The following PHTF2 variants were observed in gnomAD, a reference collection of about 807,000 sequenced individuals.
The protein encoded by PHTF2 is protein PHTF2.
A neutral mutation model predicts 101.2 loss-of-function variants in PHTF2; 60 were observed. The ratio of observed to expected loss-of-function variants is 0.59; its 90% CI spans 0.48 to 0.73. The LOEUF is 0.73. Ranked by LOEUF, PHTF2 falls within the 30% of genes least tolerant of loss-of-function variation. PHTF2 has a pLI of 0.00. For missense variants in PHTF2, 747 were observed against 908.7 expected (o/e 0.82, Z 2.29); for synonymous variants, 311 against 307.3 (o/e 1.01, Z -0.13).
chr7:77,956,477 G>A (rs1218709937), exon 20 of PHTF2: 1 of 152,304 alleles, frequency 6.6e-6, no homozygotes, highest in Non-Finnish European at 1.5e-5. Flanking sequence ...CATTTTATTT[G>A]CCTATGTTCA....
Position 77,951,599 on chromosome 7 carries a change from C to T in PHTF2, c.2116-18C>T. ...GTATTTATTATAATTTGAAGCATTTCTATTCTTTTTATAAAAGATAAACCT... is the reference window on the plus strand; with the variant it reads ...GTATTTATTATAATTTGAAGCATTTTTATTCTTTTTATAAAAGATAAACCT... On this transcript the variant is annotated intron_variant, in intron 17 of 19. Coordinates refer to ENST00000416283, the Ensembl canonical transcript of PHTF2. 1 of 1,023,282 alleles carries T rather than the reference C, an allele frequency of 9.8e-7. No homozygotes were observed. The highest frequency in any genetic ancestry group is 1.4e-6 in the Non-Finnish European group (1 of 694,306). 63.4% of individuals were successfully genotyped at this position (1,023,282 alleles called of 1,614,324 possible).
At chr7:77,826,437 A>T (rs1485503379) in intron 1 of PHTF2, among the ~76,000 whole-genome samples, 2 of 152,170 alleles carry the variant, frequency 1.3e-5, no homozygotes, top group African/African-American at 4.8e-5. Flanking sequence ...GTCAGTCTAG[A>T]ACTAGTATGG....
chr7:77,878,131 A>G (rs2150740019), intron 3 of PHTF2, among the ~76,000 whole-genome samples: 1 of 152,152 alleles, frequency 6.6e-6, no homozygotes, highest in East Asian at 1.9e-4. Context: ...GAAAAATCGC[A>G]GGGCCAGGCA....
chr7:77,929,574 C>T (rs994019892), intron 12 of PHTF2, among the ~76,000 whole-genome samples: 2 of 152,084 alleles, frequency 1.3e-5, no homozygotes, highest in Non-Finnish European at 2.9e-5. Flanking sequence ...GTGTTAGGTG[C>T]AATAGTACTT....
intron 1 of PHTF2, among the ~76,000 whole-genome samples, chr7:77,814,846 A>G (rs1467423799): frequency 6.6e-6 from 1 of 152,030 alleles, no homozygotes; most frequent in Non-Finnish European, 1.5e-5. Context: ...AGGCTGAGGC[A>G]GGTGGATTAC....
At chr7:77,932,658 TCAAGC>T (rs1804721130) in intron 12 of PHTF2, among the ~76,000 whole-genome samples, 1 of 109,706 alleles carries the variant, frequency 9.1e-6, no homozygotes. Flanking sequence ...GTGTGTGTGT[TCAAGC>T]CAATGAACAC....
At chr7:77,896,623 G>C (rs1800898599) in intron 5 of PHTF2, among the ~76,000 whole-genome samples, 1 of 152,030 alleles carries the variant, frequency 6.6e-6, no homozygotes, top group Non-Finnish European at 1.5e-5. Flanking sequence ...TAATTAAAAG[G>C]ATCAATTTGT....
intron 1 of PHTF2, among the ~76,000 whole-genome samples, chr7:77,801,244 C>A (rs1792524873): frequency 6.6e-6 from 1 of 152,168 alleles, no homozygotes; most frequent in Non-Finnish European, 1.5e-5. Flanking sequence ...AAATCTGGAA[C>A]CTTTTGAGTG....
chr7:77,881,804 C>G (rs1373066303), intron 3 of PHTF2, among the ~76,000 whole-genome samples: 1 of 152,192 alleles, frequency 6.6e-6, no homozygotes, highest in Non-Finnish European at 1.5e-5. Flanking sequence ...GAGTTTCCTA[C>G]TCTTGTACAT....
At chr7:77,908,256 G>A (rs58897036) in intron 7 of PHTF2, among the ~76,000 whole-genome samples, 7,330 of 152,252 alleles carry the variant, frequency 0.048, 257 homozygotes, top group South Asian at 0.15. Flanking sequence ...GAAAGTCTAA[G>A]GGATGCTGTG....
intron 5 of PHTF2, among the ~76,000 whole-genome samples, chr7:77,896,737 G>A (rs555635728): frequency 1.3e-5 from 2 of 152,204 alleles, no homozygotes; most frequent in South Asian, 2.1e-4. Flanking sequence ...AGAGAGGTAC[G>A]TAACTGTGGT....
intron 2 of PHTF2, among the ~76,000 whole-genome samples, chr7:77,847,087 T>A (rs1401929099): frequency 6.6e-6 from 1 of 152,198 alleles, no homozygotes; most frequent in East Asian, 1.9e-4. Flanking sequence ...AATTTGGGAT[T>A]TCTTACTGTA....
chr7:77,890,683 G>A (rs1458688177), intron 3 of PHTF2, among the ~76,000 whole-genome samples: 3 of 128,834 alleles, frequency 2.3e-5, no homozygotes, highest in Non-Finnish European at 4.7e-5. Context: ...TCGGCTCACC[G>A]CAAGCTCCGC....
chr7:77,888,160 G>A (rs945024665), intron 3 of PHTF2, among the ~76,000 whole-genome samples: 6 of 152,042 alleles, frequency 3.9e-5, no homozygotes, highest in Admixed American at 3.9e-4. Flanking sequence ...TTGTAGCCCA[G>A]GCTGGAGTGC....
intron 13 of PHTF2, among the ~76,000 whole-genome samples, chr7:77,938,898 T>C (rs768536452): frequency 9.0e-4 from 137 of 152,378 alleles, no homozygotes; most frequent in Non-Finnish European, 1.4e-3. Context: ...CTCCACACTT[T>C]GTGTAAGACA....
chr7:77,938,988 G>A (rs535952376), intron 13 of PHTF2, among the ~76,000 whole-genome samples: 36 of 152,144 alleles, frequency 2.4e-4, no homozygotes, highest in South Asian at 8.3e-4. Flanking sequence ...AGCAGTTGAC[G>A]GGGAAGTCTC....
At chr7:77,941,664 C>T (rs1805650675) in intron 15 of PHTF2, among the ~76,000 whole-genome samples, 1 of 152,128 alleles carries the variant, frequency 6.6e-6, no homozygotes, top group Non-Finnish European at 1.5e-5. Context: ...CTTTTCTGCT[C>T]CCAAAATATA....
At chr7:77,920,395 C>G (rs1803339839) in exon 10 of PHTF2, 2 of 1,613,182 alleles carry the variant, frequency 1.2e-6, no homozygotes, top group Non-Finnish European at 1.7e-6. Flanking sequence ...AACCATGAAC[C>G]TCAGTGTGAA....
chr7:77,900,626 A>C, intron 5 of PHTF2, 85 bp from the exon 5 acceptor site: 1 of 740,256 alleles, frequency 1.4e-6, no homozygotes, highest in Non-Finnish European at 2.4e-6. Flanking sequence ...ATTTTATTTT[A>C]AATTGAAAGC....
Sources: allele counts gnomAD v4.1 joint callset (sites outside exome capture counted in the v4.1 genomes callset), GRCh38; gene constraint gnomAD v4.1.1; transcripts MANE v1.5; gene names NCBI Gene and HGNC (gene_info 2026-07-23, HGNC 2026-07-21).